The following PLEKHA6 variants were observed in gnomAD, a reference collection of about 807,000 sequenced individuals.
PLEKHA6 encodes pleckstrin homology domain-containing family A member 6.
Under a neutral mutation model 116.7 loss-of-function variants are expected in PLEKHA6, and 60 were observed. The ratio of observed to expected loss-of-function variants is 0.51; its 90% confidence interval spans 0.42 to 0.64. The LOEUF (loss-of-function observed/expected upper bound fraction) is 0.64, where lower values mean the gene tolerates loss of function less well. Among genes scored for constraint, PLEKHA6 ranks in the 30% least tolerant of loss-of-function variants. PLEKHA6 has a pLI of 0.00. For missense variants in PLEKHA6, 1,338 were observed against 1,422.7 expected (o/e 0.94, Z 0.96); for synonymous variants, 489 against 556.1 (o/e 0.88, Z 1.70).
chr1:204,306,457 A>G (rs566335586), intron 1 of PLEKHA6, among the ~76,000 whole-genome samples: 3 of 152,186 alleles, frequency 2.0e-5, no homozygotes, highest in East Asian at 1.9e-4. Context: ...CAAAATGCCA[A>G]TTCCTCCTCC....
In PLEKHA6 at chr1:204,245,642, G is replaced by A. The variant is rs377093823; in HGVS notation, c.2005C>T (p.Arg669Trp). Residue 669 changes from arginine to tryptophan, a missense_variant, in exon 14 of 23, where the codon CGG becomes TGG. Arg to Trp is a moderately radical substitution (Grantham distance 101, BLOSUM62 -3). Coordinates refer to ENST00000272203, the MANE Select transcript of PLEKHA6 (RefSeq NM_014935.5). ...MEGLRKNNPS[R>W]GTDTAKHRGG... Reference sequence around the variant, plus strand: ...CTGTGCTTGGCGGTGTCCGTGCCCCGGGAGGGGTTGTTCTTCCTCAGCCCC... The same window carrying A: ...CTGTGCTTGGCGGTGTCCGTGCCCCAGGAGGGGTTGTTCTTCCTCAGCCCC... 50 of 1,612,178 alleles carry A rather than the reference G, an allele frequency of 3.1e-5. No homozygotes were observed. Among genetic ancestry groups the A allele is most frequent in the East Asian group, 2.2e-4 (10 of 44,876 alleles).
intron 17 of PLEKHA6, among the ~76,000 whole-genome samples, chr1:204,236,434 C>G (rs750098097): frequency 6.6e-6 from 1 of 152,108 alleles, no homozygotes; most frequent in Non-Finnish European, 1.5e-5. Flanking sequence ...TACCCTTGAC[C>G]AAGGCATTGT....
chr1:204,337,161 C>T (rs915265208), intron 1 of PLEKHA6, among the ~76,000 whole-genome samples: 1 of 152,114 alleles, frequency 6.6e-6, no homozygotes, highest in Non-Finnish European at 1.5e-5. Context: ...ATATCAATGG[C>T]CAGGCAGGGG....
At chr1:204,285,691 C>T (rs1474093611) in intron 1 of PLEKHA6, among the ~76,000 whole-genome samples, 1 of 152,036 alleles carries the variant, frequency 6.6e-6, no homozygotes, top group Non-Finnish European at 1.5e-5. Flanking sequence ...TGGCCAGGCT[C>T]ATTATTTTTA....
At chr1:204,244,245 C>T (rs1663294994) in intron 15 of PLEKHA6, among the ~76,000 whole-genome samples, 1 of 151,490 alleles carries the variant, frequency 6.6e-6, no homozygotes, top group South Asian at 2.1e-4. Context: ...AATTCTCCTG[C>T]CTCAGCCTCC....
Position 204,244,859 on chromosome 1 carries a change from CT to C in PLEKHA6, c.2172+4del. ...ACCTACCTTCTACTCCATTTCTCAA[CT>C]TACCTCGTTGGAGCCAGGCTTGGTG... is the stretch of plus-strand genomic sequence containing the variant. On this transcript the variant is annotated splice_donor_region_variant and intron_variant, in intron 15 of 22. Transcript: ENST00000272203. 6.4e-7 allele frequency: 1 copy of C among 1,565,154 alleles called. No individual in the cohort carries two copies.
chr1:204,221,019 C>T lies in PLEKHA6; in HGVS notation c.*1769G>A, dbSNP rs1423597696. 2.6e-5 allele frequency: 4 copies of T among 152,158 alleles called. No individual in the cohort carries two copies. The highest frequency in any genetic ancestry group is 7.2e-5 in the African/African-American group (3 of 41,406). 9.4% of individuals were successfully genotyped at this position (152,158 alleles called of 1,614,324 possible). ...GAAATGACCTGGGAGCCAATCCCAC[C>T]TGCCAGTCTGCAGGGGAGAAAGGGC... On this transcript the variant is annotated 3_prime_UTR_variant, in exon 23 of 23. Coordinates refer to ENST00000272203, the MANE Select transcript of PLEKHA6 (RefSeq NM_014935.5).
chr1:204,327,340 G>T (rs1377252514), intron 1 of PLEKHA6, among the ~76,000 whole-genome samples: 1 of 152,092 alleles, frequency 6.6e-6, no homozygotes, highest in South Asian at 2.1e-4. Flanking sequence ...ATTCCTTTCT[G>T]TCTCCCTCTC....
At chr1:204,338,200 C>T (rs1672720156) in intron 1 of PLEKHA6, among the ~76,000 whole-genome samples, 1 of 152,214 alleles carries the variant, frequency 6.6e-6, no homozygotes, top group African/African-American at 2.4e-5. Flanking sequence ...TTCCAAACCT[C>T]AACTCCATCC....
At chr1:204,243,358 T>TA in intron 15 of PLEKHA6, 1 of 399,204 alleles carries the variant, frequency 2.5e-6, no homozygotes, top group Non-Finnish European at 4.4e-6. Flanking sequence ...ACAACAACAT[T>TA]GCTGGAGACC....
chr1:204,232,097 C>T (rs189127305), intron 17 of PLEKHA6, among the ~76,000 whole-genome samples: 16 of 152,126 alleles, frequency 1.1e-4, no homozygotes, highest in Admixed American at 9.8e-4. Context: ...GGAAGAAAGG[C>T]CATCTTTATT....
At chr1:204,287,926 T>C (rs901457583) in intron 1 of PLEKHA6, among the ~76,000 whole-genome samples, 2 of 152,224 alleles carry the variant, frequency 1.3e-5, no homozygotes, top group African/African-American at 2.4e-5. Context: ...ACTAAGATAA[T>C]TTTAAAGATT....
Position 204,228,987 on chromosome 1 carries a change from G to A in PLEKHA6, c.2701C>T (p.Arg901Cys), listed in dbSNP as rs766585194. ...ETPREEIARL[R>C]KMELEPQHYD... ...TGCTGGGGCTCTAGCTCCATTTTGC[G>A]AAGCCGGGCAATTTCCTCCCGGGGT... is the stretch of plus-strand genomic sequence containing the variant. Residue 901 changes from arginine (R) to cysteine (C), a missense_variant, in exon 19 of 23, where the codon CGC becomes TGC. This residue lies in a region of PLEKHA6 where 1,136 missense variants were observed against 1,163.6 expected (regional missense o/e 0.98). Coordinates refer to ENST00000272203, the MANE Select transcript of PLEKHA6 (RefSeq NM_014935.5). This position sits in a 1 kb window ranked among gnomAD's most constrained non-coding sequence, Gnocchi z 4.0. The A allele has an allele frequency of 1.7e-5, 27 of 1,614,058 alleles. No individual in the cohort carries two copies. Among genetic ancestry groups the A allele is most frequent in the East Asian group, 8.9e-5 (4 of 44,898 alleles).
intron 17 of PLEKHA6, among the ~76,000 whole-genome samples, chr1:204,231,008 T>G (rs1301884655): frequency 6.6e-6 from 1 of 152,138 alleles, no homozygotes; most frequent in Non-Finnish European, 1.5e-5. Context: ...ACCACCTGGA[T>G]TTTAGACTTG....
At chr1:204,229,244 A>T (rs1660826006) in intron 18 of PLEKHA6, 140 bp from the exon 19 acceptor site, 1 of 789,718 alleles carries the variant, frequency 1.3e-6, no homozygotes, top group African/African-American at 1.7e-5. Flanking sequence ...CCCACTGCAG[A>T]ACTATCTTCC....
chr1:204,328,361 C>T (rs1462439437), intron 1 of PLEKHA6, among the ~76,000 whole-genome samples: 3 of 149,752 alleles, frequency 2.0e-5, no homozygotes, highest in Non-Finnish European at 4.4e-5. Context: ...GGACTACAGG[C>T]GTGAGCCATT....
At chr1:204,355,500 C>G (rs1467473559) in intron 1 of PLEKHA6, among the ~76,000 whole-genome samples, 1 of 152,152 alleles carries the variant, frequency 6.6e-6, no homozygotes, top group East Asian at 1.9e-4. Flanking sequence ...AGTACAGTGG[C>G]ACGATCTCGG....
Position 204,273,740 on chromosome 1 carries a change from T to C in PLEKHA6, c.-13A>G. 2 of 1,602,386 alleles carry C rather than the reference T, an allele frequency of 1.2e-6. No individual in the cohort carries two copies. Among genetic ancestry groups the C allele is most frequent in the Non-Finnish European group, 8.6e-7 (1 of 1,169,258 alleles). ...TTTTATTGGACATGTCCAAGGTCGA[T>C]CTGATTTCAAGTCGACCAGAGAAAA... is the stretch of plus-strand genomic sequence containing the variant. On this transcript the variant is annotated splice_region_variant and 5_prime_UTR_variant, in exon 3 of 23. In the 5' UTR this introduces an upstream ATG that the reference lacks. Coordinates refer to ENST00000272203, the MANE Select transcript of PLEKHA6 (RefSeq NM_014935.5).
chr1:204,244,854 C>G lies in PLEKHA6; in HGVS notation c.2172+10G>C. The G allele has an allele frequency of 6.4e-7, 1 of 1,561,738 alleles. No homozygotes were observed. The highest frequency in any genetic ancestry group is 8.7e-7 in the Non-Finnish European group (1 of 1,152,266). Reference sequence around the variant, plus strand: ...CCCCCACCTACCTTCTACTCCATTTCTCAACTTACCTCGTTGGAGCCAGGC... The same window carrying G: ...CCCCCACCTACCTTCTACTCCATTTGTCAACTTACCTCGTTGGAGCCAGGC... On this transcript the variant is annotated intron_variant, in intron 15 of 22. Coordinates refer to ENST00000272203, the MANE Select transcript of PLEKHA6 (RefSeq NM_014935.5).
Sources: gnomAD v4.1 joint callset for allele counts (sites outside exome capture counted in the v4.1 genomes callset) on GRCh38, gnomAD v4.1.1 for gene constraint, gnomAD v4.1.1 regional missense constraint, Gnocchi (gnomAD v3.1) non-coding constraint, MANE v1.5 for transcripts, NCBI Gene and HGNC (gene_info 2026-07-23, HGNC 2026-07-21) for gene names.